RFTN1: variants seen among roughly 807,000 people sequenced by gnomAD.
RFTN1 encodes the protein raftlin, lipid raft linker 1.
Under a neutral mutation model 46.5 loss-of-function variants are expected in RFTN1, and 26 were observed. The ratio of observed to expected loss-of-function variants is 0.56; its 90% confidence interval spans 0.41 to 0.78. The LOEUF is 0.78. Among genes scored for constraint, RFTN1 ranks in the 30% least tolerant of loss-of-function variants. The pLI is 0.00. For synonymous variants in RFTN1, 261 were observed against 284.2 expected, an observed-to-expected ratio of 0.92 and a Z score of 0.82; for missense variants, 693 against 718.7, an observed-to-expected ratio of 0.96 and a Z score of 0.41.
At position 16,421,592 on chromosome 3, in the gene RFTN1, C is replaced by T. The variant is rs1368444540; in HGVS notation, c.333-12109G>A. Among the ~76,000 whole-genome samples the T allele has an allele frequency of 3.9e-5, 6 of 152,048 alleles. No homozygotes were observed. The highest frequency in any genetic ancestry group is 2.0e-4 in the Admixed American group (3 of 15,264). Reference sequence around the variant, plus strand: ...GTCTCGATCCCTTGACTTCGTGATCCGCCCGCCTCGGCCTCCCAAAGTGCT... The same window carrying T: ...GTCTCGATCCCTTGACTTCGTGATCTGCCCGCCTCGGCCTCCCAAAGTGCT... On this transcript the variant is annotated intron_variant, in intron 3 of 9. Coordinates refer to ENST00000334133, the MANE Select transcript of RFTN1 (RefSeq NM_015150.2). This position sits in a 1 kb window ranked among gnomAD's most constrained non-coding sequence, Gnocchi z 4.6.
rs1000116478 is a variant in RFTN1, at chr3:16,480,342, G to T, written c.145+13383C>A. On this transcript the variant is annotated intron_variant, in intron 2 of 9. Coordinates refer to ENST00000334133, the MANE Select transcript of RFTN1 (RefSeq NM_015150.2). The surrounding 1 kb of genome is among the most constrained non-coding windows in gnomAD (Gnocchi z 4.3). ...ATAATCCCTTCCCTCTTTTAAGAGGGCCCAATGAGGCTGTCAAACTAATGT... is the reference window on the plus strand; with the variant it reads ...ATAATCCCTTCCCTCTTTTAAGAGGTCCCAATGAGGCTGTCAAACTAATGT... 6.6e-6 allele frequency among the ~76,000 whole-genome samples: 1 copy of T among 152,156 alleles called. No individual in the cohort carries two copies. The highest frequency in any genetic ancestry group is 2.4e-5 in the African/African-American group (1 of 41,418).
In RFTN1 at chr3:16,418,512, G is replaced by A. The variant is rs546795346; in HGVS notation, c.333-9029C>T. 6.6e-6 allele frequency among the ~76,000 whole-genome samples: 1 copy of A among 152,144 alleles called. No individual in the cohort carries two copies. The highest frequency in any genetic ancestry group is 2.1e-4 in the South Asian group (1 of 4,822). ...ATTTAGAAATAATCAAAAAAAAATG[G>A]TGACAAACACAAACAGATTACTAGG... is the stretch of plus-strand genomic sequence containing the variant. On this transcript the variant is annotated intron_variant, in intron 3 of 9. Transcript: ENST00000334133. The surrounding 1 kb of genome is among the most constrained non-coding windows in gnomAD (Gnocchi z 5.0).
rs1489806512 is a variant in RFTN1 at position 16,335,916 on chromosome 3, C to T, written c.1147-9040G>A. ...CAGGACTCCGCAGGAGGGAAGTGGC[C>T]GACAGCAAGGACTGGTGGCAGCTGC... On this transcript the variant is annotated intron_variant, in intron 7 of 9. Transcript: ENST00000334133. This position sits in a 1 kb window ranked among gnomAD's most constrained non-coding sequence, Gnocchi z 4.7. Among the ~76,000 whole-genome samples, 1 of 152,170 alleles carries T rather than the reference C, an allele frequency of 6.6e-6. No homozygotes were observed. Among genetic ancestry groups the T allele is most frequent in the African/African-American group, 2.4e-5 (1 of 41,440 alleles).
chr3:16,390,987 C>A (rs150464131), intron 4 of RFTN1, among the ~76,000 whole-genome samples: 5 of 152,292 alleles, frequency 3.3e-5, no homozygotes, highest in African/African-American at 1.2e-4. Context: ...CAACCTTTTT[C>A]TCTCTGAAGA....
At chr3:16,362,931 G>A (rs2072922073) in intron 6 of RFTN1, among the ~76,000 whole-genome samples, 1 of 152,168 alleles carries the variant, frequency 6.6e-6, no homozygotes, top group South Asian at 2.1e-4. Flanking sequence ...GAAGGGGGCT[G>A]TGTAGTCCGC....
intron 4 of RFTN1, among the ~76,000 whole-genome samples, chr3:16,394,931 G>A (rs1338226884): frequency 1.3e-5 from 2 of 152,074 alleles, no homozygotes; most frequent in Non-Finnish European, 2.9e-5. Context: ...AAAGTAAATA[G>A]GATGAGCTTG....
At position 16,370,353 on chromosome 3, in the gene RFTN1, T is replaced by G; in HGVS notation, c.827-74A>C. ...TAAAAATCTGTTTCATCGGCTTAAG[T>G]GGAATCTCTCAGGAGCCTGAATAAA... On this transcript the variant is annotated intron_variant, in intron 5 of 9. Transcript: ENST00000334133. The surrounding 1 kb of genome is among the most constrained non-coding windows in gnomAD (Gnocchi z 5.5). 7.2e-7 allele frequency: 1 copy of G among 1,389,626 alleles called. No individual in the cohort carries two copies. Among genetic ancestry groups the G allele is most frequent in the Non-Finnish European group, 1.0e-6 (1 of 977,690 alleles). The allele number at this position is 1,389,626 out of a possible 1,614,324, so 86.1% of individuals were successfully genotyped here. A position where few individuals can be genotyped will look rare whatever the true frequency, so the allele number is the denominator to read the frequency against.
In RFTN1 at chr3:16,336,551, A is replaced by G. The variant is rs1254034492; in HGVS notation, c.1147-9675T>C. On this transcript the variant is annotated intron_variant, in intron 7 of 9. Coordinates refer to ENST00000334133, the MANE Select transcript of RFTN1 (RefSeq NM_015150.2). This position sits in a 1 kb window ranked among gnomAD's most constrained non-coding sequence, Gnocchi z 6.0. ...TGTTTTCTCCTTTGTTTTATGCACA[A>G]TGCCCCAGAAAAACATTTTGCTGAT... Among the ~76,000 whole-genome samples, 2 of 152,230 alleles carry G rather than the reference A, an allele frequency of 1.3e-5. No homozygotes were observed. The highest frequency in any genetic ancestry group is 2.9e-5 in the Non-Finnish European group (2 of 68,038).
At chr3:16,439,251 C>T (rs565190972) in intron 2 of RFTN1, among the ~76,000 whole-genome samples, 3 of 152,308 alleles carry the variant, frequency 2.0e-5, no homozygotes, top group Admixed American at 2.0e-4. Flanking sequence ...TATGAAGTGA[C>T]CAATTCCCCA....
chr3:16,340,447 CAT>C lies in RFTN1; in HGVS notation c.1147-13573_1147-13572del, dbSNP rs1455565585. 3.3e-5 allele frequency among the ~76,000 whole-genome samples: 5 copies of C among 152,244 alleles called. No homozygotes were observed. In the East Asian group the frequency reaches 7.7e-4, roughly 23 times the overall value. On this transcript the variant is annotated intron_variant, in intron 7 of 9. Transcript: ENST00000334133. ...TCTAGATCATTCAGCTACCAGCTGA[CAT>C]ATGAGAGAGCCCAGCAGAGATCAGC... is the stretch of plus-strand genomic sequence containing the variant.
intron 2 of RFTN1, among the ~76,000 whole-genome samples, chr3:16,438,648 C>G (rs1255823041): frequency 1.4e-5 from 2 of 147,714 alleles, no homozygotes; most frequent in Non-Finnish European, 3.0e-5. Flanking sequence ...AGCTGCTCTC[C>G]TCACTGCCTG....
chr3:16,437,058 T>C (rs956788888), intron 2 of RFTN1, among the ~76,000 whole-genome samples: 1 of 152,222 alleles, frequency 6.6e-6, no homozygotes, highest in Non-Finnish European at 1.5e-5. Context: ...CTGGCAAAAT[T>C]TTGATTTGGT....
At chr3:16,444,265 T>A (rs2075687023) in intron 2 of RFTN1, among the ~76,000 whole-genome samples, 1 of 152,204 alleles carries the variant, frequency 6.6e-6, no homozygotes, top group African/African-American at 2.4e-5. Flanking sequence ...GCTGATGGCA[T>A]CAAAGACTAG....
rs34563846 is a variant in RFTN1, at chr3:16,332,417, C to CT, written c.1147-5542dup. The stretch of plus-strand genomic sequence containing the variant: ...GCCCTTTCTTATCTTTTGATTGCTT[C>CT]TTTTTTTTTTTTACAGCATCTTGTT... On this transcript the variant is annotated intron_variant, in intron 7 of 9. Coordinates refer to ENST00000334133, the MANE Select transcript of RFTN1 (RefSeq NM_015150.2). 3.0e-3 allele frequency among the ~76,000 whole-genome samples: 439 copies of CT among 148,640 alleles called. 1 individual carries two copies. The highest frequency in any genetic ancestry group is 5.7e-3 in the South Asian group (27 of 4,702).
chr3:16,507,599 A>AACAC lies in RFTN1; in HGVS notation c.-9+5839_-9+5842dup, dbSNP rs35848042. The stretch of plus-strand genomic sequence containing the variant: ...TAAAAGGCAAAGTAGGGAGTTTCAA[A>AACAC]ACACACACACACACACACACACATA... On this transcript the variant is annotated intron_variant, in intron 1 of 9. Transcript: ENST00000334133. The surrounding 1 kb of genome is among the most constrained non-coding windows in gnomAD (Gnocchi z 7.1). 1.1e-3 allele frequency among the ~76,000 whole-genome samples: 164 copies of AACAC among 142,706 alleles called. No individual in the cohort carries two copies. Among genetic ancestry groups the AACAC allele is most frequent in the African/African-American group, 3.7e-3 (142 of 38,358 alleles). 93.6% of individuals were successfully genotyped at this position (142,706 alleles called of 152,430 possible).
At chr3:16,435,501 C>A (rs1237794567) in intron 2 of RFTN1, among the ~76,000 whole-genome samples, 1 of 152,046 alleles carries the variant, frequency 6.6e-6, no homozygotes, top group Non-Finnish European at 1.5e-5. Context: ...ACCTGGGAGG[C>A]GAAGGTTGCA....
Position 16,407,231 on chromosome 3 carries a change from G to A in RFTN1, c.441+2144C>T, listed in dbSNP as rs1575241720. 6.6e-6 allele frequency among the ~76,000 whole-genome samples: 1 copy of A among 152,226 alleles called. No individual in the cohort carries two copies. The highest frequency in any genetic ancestry group is 1.5e-5 in the Non-Finnish European group (1 of 68,038). Reference sequence around the variant, plus strand: ...TGGGTCTCACTCTGTCAGCCAGGCTGGAGTGCAGTGGTGCAATCATAGCTC... The same window carrying A: ...TGGGTCTCACTCTGTCAGCCAGGCTAGAGTGCAGTGGTGCAATCATAGCTC... On this transcript the variant is annotated intron_variant, in intron 4 of 9. Coordinates refer to ENST00000334133, the MANE Select transcript of RFTN1 (RefSeq NM_015150.2). This position sits in a 1 kb window ranked among gnomAD's most constrained non-coding sequence, Gnocchi z 4.0.
intron 2 of RFTN1, among the ~76,000 whole-genome samples, chr3:16,435,917 A>ATATAT (rs2075501448): frequency 7.0e-6 from 1 of 142,360 alleles, no homozygotes; most frequent in African/African-American, 2.7e-5. Flanking sequence ...CAGAGATGTA[A>ATATAT]ATATATATAT....
At chr3:16,510,333 T>C (rs1157508179) in intron 1 of RFTN1, among the ~76,000 whole-genome samples, 1 of 152,190 alleles carries the variant, frequency 6.6e-6, no homozygotes, top group African/African-American at 2.4e-5. Context: ...GGCAGAAGCT[T>C]AGTAAAATTC....
Sources: gnomAD v4.1 joint callset for allele counts (sites outside exome capture counted in the v4.1 genomes callset) on GRCh38, gnomAD v4.1.1 for gene constraint, Gnocchi (gnomAD v3.1) non-coding constraint, MANE v1.5 for transcripts, NCBI Gene and HGNC (gene_info 2026-07-23, HGNC 2026-07-21) for gene names.